The following ANO3 variants were observed in gnomAD, a reference collection of about 807,000 sequenced individuals.
The protein encoded by ANO3 is anoctamin 3, also known as anoctamin-3.
ANO3 carries 99 observed loss-of-function variants against 144.8 expected under a neutral mutation model. The ratio of observed to expected loss-of-function variants is 0.68; its 90% confidence interval spans 0.58 to 0.81. ANO3 has a LOEUF of 0.81. ANO3 is among the 30% of genes least tolerant of loss of function. ANO3 has a pLI of 0.00. For synonymous variants in ANO3, 414 were observed against 392.6 expected (o/e 1.05, Z -0.64); for missense variants, 905 against 1,202.2 (o/e 0.75, Z 3.66).
chr11:26,531,442 G>C, intron 8 of ANO3, 106 bp downstream of exon 8: 1 of 1,289,712 alleles, frequency 7.8e-7, no homozygotes, highest in Non-Finnish European at 1.1e-6. Context: ...AAATACGTCA[G>C]AGAACTTATC....
rs1027062191 is a variant in ANO3, at chr11:26,595,473, T to G, written c.1448-2892T>G. On this transcript the variant is annotated intron_variant, in intron 14 of 26. Coordinates refer to ENST00000256737, the MANE Select transcript of ANO3 (RefSeq NM_031418.4). ...TGAGATAGAGTTGTTTTTTTTTTTT[T>G]TTTTTTTTTTTTTTATTCTGTAAGT... Among the ~76,000 whole-genome samples, 167 of 145,520 alleles carry G rather than the reference T, an allele frequency of 1.1e-3. 3 individuals carry two copies. Among genetic ancestry groups the G allele is most frequent in the Middle Eastern group, 3.6e-3 (1 of 278 alleles).
intron 3 of ANO3, among the ~76,000 whole-genome samples, chr11:26,444,072 C>T (rs1391379418): frequency 6.6e-6 from 1 of 152,018 alleles, no homozygotes; most frequent in African/African-American, 2.4e-5. Flanking sequence ...ACAATTTTTG[C>T]CATTATTCTG....
rs74901897 is a variant in ANO3, at chr11:26,498,812, T to C, written c.433-9292T>C. 9.8e-3 allele frequency among the ~76,000 whole-genome samples: 1,495 copies of C among 151,942 alleles called. 26 individuals are homozygous for C. The highest frequency in any genetic ancestry group is 0.053 in the South Asian group (255 of 4,826). On this transcript the variant is annotated intron_variant, in intron 4 of 26. Transcript: ENST00000256737. The stretch of plus-strand genomic sequence containing the variant: ...TATGAATATTTTTGAACTTTTACTG[T>C]ATAAGTTATATAGTAAAAGTATAAA...
chr11:26,362,320 C>G (rs1855948863), intron 1 of ANO3, among the ~76,000 whole-genome samples: 1 of 152,076 alleles, frequency 6.6e-6, no homozygotes, highest in African/African-American at 2.4e-5. Context: ...ATTCTCATAA[C>G]AGTACAAGGT....
intron 1 of ANO3, among the ~76,000 whole-genome samples, chr11:26,315,462 T>C (rs956006190): frequency 6.6e-6 from 1 of 152,176 alleles, no homozygotes; most frequent in African/African-American, 2.4e-5. Context: ...AGGCAGTCCA[T>C]GCTATCCCTT....
intron 4 of ANO3, among the ~76,000 whole-genome samples, chr11:26,466,604 G>A (rs1206808657): frequency 3.3e-5 from 5 of 151,934 alleles, no homozygotes; most frequent in Non-Finnish European, 5.9e-5. Context: ...AGGGACCAGA[G>A]GCTCATAAGC....
At chr11:26,280,741 C>T (rs998071596) in intron 1 of ANO3, among the ~76,000 whole-genome samples, 5 of 152,184 alleles carry the variant, frequency 3.3e-5, no homozygotes, top group African/African-American at 7.2e-5. Flanking sequence ...TTTACCATCA[C>T]GCCCAATAAG....
chr11:26,331,987 A>AC (rs1350439355), upstream of ANO3: 44 of 725,332 alleles, frequency 6.1e-5, no homozygotes, highest in Middle Eastern at 8.2e-4. Context: ...CTCCCAGCCA[A>AC]CCCCGCTCAA....
intron 13 of ANO3, among the ~76,000 whole-genome samples, chr11:26,558,290 G>A: frequency 6.6e-6 from 1 of 152,020 alleles, no homozygotes; most frequent in East Asian, 1.9e-4. Flanking sequence ...ATTATTTCTT[G>A]GTGACCTTTA....
intron 1 of ANO3, among the ~76,000 whole-genome samples, chr11:26,388,972 C>T (rs1322674502): frequency 6.6e-6 from 1 of 152,106 alleles, no homozygotes; most frequent in Non-Finnish European, 1.5e-5. Flanking sequence ...TATGTTTGAA[C>T]ATTTTATATC....
chr11:26,265,059 A>G (rs1043871070), intron 1 of ANO3, among the ~76,000 whole-genome samples: 33 of 152,272 alleles, frequency 2.2e-4, no homozygotes, highest in African/African-American at 7.7e-4. Context: ...AAAGAAAAGG[A>G]GAATTGCTTT....
At chr11:26,457,840 T>C (rs1387626343) in intron 3 of ANO3, among the ~76,000 whole-genome samples, 2 of 152,058 alleles carry the variant, frequency 1.3e-5, no homozygotes, top group East Asian at 1.9e-4. Context: ...GTTCTATTTG[T>C]CATAATCAGA....
intron 1 of ANO3, among the ~76,000 whole-genome samples, chr11:26,304,266 G>A (rs1854309249): frequency 6.6e-6 from 1 of 151,822 alleles, no homozygotes; most frequent in Non-Finnish European, 1.5e-5. Flanking sequence ...TCTTTAAATA[G>A]TATGTTGAGT....
intron 1 of ANO3, among the ~76,000 whole-genome samples, chr11:26,316,310 AG>A (rs1344433167): frequency 6.6e-6 from 1 of 152,186 alleles, no homozygotes; most frequent in East Asian, 1.9e-4. Context: ...TAGTGAGGGC[AG>A]GGGTAGGTTA....
chr11:26,205,708 C>T lies in ANO3; in HGVS notation c.154+16378C>T, dbSNP rs1339304531. Among the ~76,000 whole-genome samples the T allele has an allele frequency of 2.6e-5, 4 of 152,114 alleles. No individual in the cohort carries two copies. The South Asian group carries it at 6.2e-4, about 24-fold the overall frequency. On this transcript the variant is annotated intron_variant, in intron 1 of 27. Transcript: ENST00000672621. Reference sequence around the variant, plus strand: ...GCTTTTAAGCATAAGACCCAATCATCCTCATAAACGGTATACTGTATAGTC... The same window carrying T: ...GCTTTTAAGCATAAGACCCAATCATTCTCATAAACGGTATACTGTATAGTC...
intron 1 of ANO3, among the ~76,000 whole-genome samples, chr11:26,271,578 TCACC>T (rs1250312447): frequency 6.6e-6 from 1 of 152,204 alleles, no homozygotes; most frequent in African/African-American, 2.4e-5. Flanking sequence ...ACACATTTTA[TCACC>T]CTTCATTGTC....
intron 1 of ANO3, among the ~76,000 whole-genome samples, chr11:26,207,622 A>C (rs1032467574): frequency 6.6e-6 from 1 of 152,210 alleles, no homozygotes; most frequent in Non-Finnish European, 1.5e-5. Flanking sequence ...TAATTAAAAA[A>C]AGAAACTGAG....
chr11:26,565,279 T>G, intron 14 of ANO3: 1 of 1,605,368 alleles, frequency 6.2e-7, no homozygotes, highest in Middle Eastern at 1.7e-4. Context: ...CTATCACTGT[T>G]TGTGGTAAGC....
At chr11:26,458,523 T>A (rs1422735721) in intron 3 of ANO3, among the ~76,000 whole-genome samples, 2 of 152,138 alleles carry the variant, frequency 1.3e-5, no homozygotes, top group Non-Finnish European at 1.5e-5. Context: ...TTTTACAAAG[T>A]TACATTCAGA....
Sources: gnomAD v4.1 joint callset for allele counts (sites outside exome capture counted in the v4.1 genomes callset) on GRCh38, gnomAD v4.1.1 for gene constraint, MANE v1.5 for transcripts, NCBI Gene and HGNC (gene_info 2026-07-23, HGNC 2026-07-21) for gene names.